The following GAPDHS variants were observed in gnomAD, a reference collection of about 807,000 sequenced individuals.
The protein encoded by GAPDHS is glyceraldehyde-3-phosphate dehydrogenase, spermatogenic.
GAPDHS carries 42 observed loss-of-function variants against 48.7 expected under a neutral mutation model. The ratio of observed to expected loss-of-function variants is 0.86; its 90% CI spans 0.67 to 1.12. GAPDHS has a LOEUF of 1.12. GAPDHS is among the 50% of genes most tolerant of loss of function. GAPDHS has a pLI of 0.00. For synonymous variants in GAPDHS, 166 were observed against 219.1 expected (o/e 0.76, Z 2.14); for missense variants, 512 against 557.7 (o/e 0.92, Z 0.82).
At chr19:35,537,072 A>G in intron 2 of GAPDHS, 82 bp downstream of exon 2, 1 of 1,165,890 alleles carries the variant, frequency 8.6e-7, no homozygotes, top group African/African-American at 1.5e-5. Flanking sequence ...GCACCTCCAC[A>G]TTTCCCCCCA....
chr19:35,534,193 GCACA>G (rs3216892), intron 1 of GAPDHS, among the ~76,000 whole-genome samples: 6 of 136,946 alleles, frequency 4.4e-5, no homozygotes, highest in African/African-American at 1.3e-4. Context: ...CCGCGCGCGC[GCACA>G]CACACACACA....
At chr19:35,533,936 C>T (rs2071448440) in intron 1 of GAPDHS, among the ~76,000 whole-genome samples, 1 of 152,176 alleles carries the variant, frequency 6.6e-6, no homozygotes, top group Non-Finnish European at 1.5e-5. Context: ...CCCAGGGGTG[C>T]TGGGCTTCCA....
Position 35,543,360 on chromosome 19 carries a change from G to A in GAPDHS, c.762G>A (p.Thr254=), listed in dbSNP as rs761625940. ...CCAAGACCACAGTCCATTCCTACACGGCCACCCAGAAGACAGTGGACGGGC... is the reference window on the plus strand; with the variant it reads ...CCAAGACCACAGTCCATTCCTACACAGCCACCCAGAAGACAGTGGACGGGC... ...EGLMTTVHSY[T]ATQKTVDGPS... The change falls in exon 8 of 11, where the codon ACG becomes ACA. Residue 254 remains threonine (T), a synonymous_variant. Transcript: ENST00000222286. 9.9e-6 allele frequency: 16 copies of A among 1,612,834 alleles called. No individual in the cohort carries two copies. The highest frequency in any genetic ancestry group is 3.4e-5 in the Admixed American group (2 of 59,534).
intron 8 of GAPDHS, 56 bp from the exon 9 acceptor site, chr19:35,543,609 A>C (rs2071521575): frequency 6.3e-7 from 1 of 1,593,632 alleles, no homozygotes; most frequent in African/African-American, 1.3e-5. Context: ...GGAAAGGGGG[A>C]ATGGAGGGCA....
At position 35,538,580 on chromosome 19, in the gene GAPDHS, T is replaced by C. The variant is rs769382622; in HGVS notation, c.346T>C (p.Tyr116His). 1 of 1,589,868 alleles carries C rather than the reference T, an allele frequency of 6.3e-7. No individual in the cohort carries two copies. The highest frequency in any genetic ancestry group is 1.1e-5 in the South Asian group (1 of 90,510). Residue 116 changes from tyrosine to histidine, a missense_variant, in exon 4 of 11, where the codon TAC becomes CAC. Physicochemically the swap from Tyr to His is moderately conservative, Grantham distance 83. Transcript: ENST00000222286. ...DPFIDPEYMV[Y>H]MFKYDSTHGR... Reference sequence around the variant, plus strand: ...GGAGCCATTCCATCCCCCACAGGTGTACATGTTTAAGTATGACTCCACCCA... The same window carrying C: ...GGAGCCATTCCATCCCCCACAGGTGCACATGTTTAAGTATGACTCCACCCA...
At chr19:35,543,853 G>A (rs1345116356) in intron 9 of GAPDHS, 26 bp downstream of exon 9, 2 of 1,573,106 alleles carry the variant, frequency 1.3e-6, no homozygotes, top group African/African-American at 1.4e-5. Flanking sequence ...AGGAGACCCT[G>A]GGAGGAGCCC....
In GAPDHS at chr19:35,544,921, G is replaced by C. The variant is rs1190536805; in HGVS notation, c.1069G>C (p.Asp357His). Residue 357 changes from aspartate (D) to histidine (H), a missense_variant, in exon 10 of 11, where the codon GAC (aspartate) becomes CAC (histidine). Asp to His is a moderately conservative substitution (Grantham distance 81). Transcript: ENST00000222286. ...AYTEDEVVSTDFLGDTHSSIF... is the reference protein window; with the variant it reads ...AYTEDEVVSTHFLGDTHSSIF... ...TTCTGACTTCCAGGTCGTCTCTACG[G>C]ACTTCCTCGGTGATACCCACTCGTC... The C allele has an allele frequency of 1.2e-6, 2 of 1,611,888 alleles. No homozygotes were observed. The highest frequency in any genetic ancestry group is 1.3e-5 in the African/African-American group (1 of 74,876).
chr19:35,544,670 T>C lies in GAPDHS; in HGVS notation c.1057-239T>C, dbSNP rs550169035. The C allele has an allele frequency of 6.5e-5, 37 of 565,524 alleles. No individual in the cohort carries two copies. In the Admixed American group the frequency reaches 6.7e-4, roughly 10 times the overall value. The allele number at this position is 565,524 out of a possible 1,614,324, so 35.0% of individuals were successfully genotyped here. A position where few individuals can be genotyped will look rare whatever the true frequency, so the allele number is the denominator to read the frequency against. ...GCTTGCATTATTCCTAGGAAAGGGA[T>C]GTACTGGTACAGCATGAGGGTGTTT... On this transcript the variant is annotated intron_variant, in intron 9 of 10. Transcript: ENST00000222286.
At chr19:35,543,529 A>G (rs750710919) in intron 8 of GAPDHS, 38 bp downstream of exon 8, 1 of 1,584,156 alleles carries the variant, frequency 6.3e-7, no homozygotes, top group Non-Finnish European at 8.6e-7. Context: ...GTGGGGGCAT[A>G]CGCCAGGAGG....
rs753874832 is a variant in GAPDHS, at chr19:35,544,959, T to TA, written c.1109dup (p.Ala371GlyfsTer7). 9.9e-6 allele frequency: 16 copies of TA among 1,614,004 alleles called. No homozygotes were observed. The highest frequency in any genetic ancestry group is 3.4e-6 in the Non-Finnish European group (4 of 1,179,824). On this transcript the variant is annotated frameshift_variant, in exon 10 of 11. Coordinates refer to ENST00000222286, the MANE Select transcript of GAPDHS (RefSeq NM_014364.5). LOFTEE classifies it high-confidence loss of function. ...ATACCCACTCGTCCATCTTCGATGC[T>TA]AAGGCCGGCATTGCGCTCAATGACA...
intron 1 of GAPDHS, among the ~76,000 whole-genome samples, chr19:35,534,194 C>T (rs1203533390): frequency 6.8e-6 from 1 of 147,098 alleles, no homozygotes; most frequent in Non-Finnish European, 1.5e-5. Flanking sequence ...CGCGCGCGCG[C>T]ACACACACAC....
chr19:35,534,348 G>A (rs915340960), intron 1 of GAPDHS, among the ~76,000 whole-genome samples: 1 of 152,212 alleles, frequency 6.6e-6, no homozygotes, highest in Non-Finnish European at 1.5e-5. Context: ...GACCCTGGAA[G>A]ACACAGGAGC....
chr19:35,535,555 T>C (rs2071460398), intron 1 of GAPDHS, among the ~76,000 whole-genome samples: 1 of 151,196 alleles, frequency 6.6e-6, no homozygotes, highest in African/African-American at 2.4e-5. Context: ...TGGCTAATTT[T>C]TTTGTATTTT....
rs773688350 is a variant in GAPDHS at position 35,538,387 on chromosome 19, T to C, written c.326T>C (p.Ile109Thr). 3.7e-6 allele frequency: 6 copies of C among 1,606,870 alleles called. No homozygotes were observed. Among genetic ancestry groups the C allele is most frequent in the African/African-American group, 1.3e-5 (1 of 74,864 alleles). ...GTGGTGGCTGTGAATGATCCATTCA[T>C]TGACCCGGAATACATGGTCAGTAGC... ...VKVVAVNDPF[I>T]DPEYMVYMFK... The change falls in exon 3 of 11, where the codon ATT becomes ACT. Residue 109 changes from isoleucine (I) to threonine (T), a missense_variant. Ile to Thr is a moderately conservative substitution (Grantham distance 89, BLOSUM62 -1). Coordinates refer to ENST00000222286, the MANE Select transcript of GAPDHS (RefSeq NM_014364.5).
At chr19:35,543,569 G>A in intron 8 of GAPDHS, 78 bp downstream of exon 8, 2 of 1,574,090 alleles carry the variant, frequency 1.3e-6, no homozygotes, top group African/African-American at 1.4e-5. Flanking sequence ...CAGTCCTTAA[G>A]AGGAAAGCAG....
Position 35,533,466 on chromosome 19 carries a change from C to T in GAPDHS, c.-62C>T. 1 of 1,457,952 alleles carries T rather than the reference C, an allele frequency of 6.9e-7. No homozygotes were observed. The highest frequency in any genetic ancestry group is 9.6e-7 in the Non-Finnish European group (1 of 1,038,932). The allele number at this position is 1,457,952 out of a possible 1,614,324, so 90.3% of individuals were successfully genotyped here. A position where few individuals can be genotyped will look rare whatever the true frequency, so the allele number is the denominator to read the frequency against. Reference sequence around the variant, plus strand: ...TAGCCCAGGACCCACAGCCCTGGCGCTCCGCACGCACCTCGGTAACATCAC... The same window carrying T: ...TAGCCCAGGACCCACAGCCCTGGCGTTCCGCACGCACCTCGGTAACATCAC... On this transcript the variant is annotated 5_prime_UTR_variant, in exon 1 of 11. Transcript: ENST00000222286.
chr19:35,544,735 T>G (rs1265910740), intron 9 of GAPDHS, 174 bp from the exon 10 acceptor site: 2 of 624,800 alleles, frequency 3.2e-6, no homozygotes, highest in Admixed American at 2.5e-5. Flanking sequence ...CACAGTGCCT[T>G]GGTCATACCC....
At position 35,538,305 on chromosome 19, in the gene GAPDHS, A is replaced by G. The variant is rs111871741; in HGVS notation, c.246-2A>G. ...CATCCCTTCCTGTCTGTCCCTGGCCAGATTTGGACGCATCGGTCGCCTGGT... is the reference window on the plus strand; with the variant it reads ...CATCCCTTCCTGTCTGTCCCTGGCCGGATTTGGACGCATCGGTCGCCTGGT... On this transcript the variant is annotated splice_acceptor_variant, in intron 2 of 10. Transcript: ENST00000222286. LOFTEE classifies it high-confidence loss of function. 4 of 1,610,480 alleles carry G rather than the reference A, an allele frequency of 2.5e-6. No individual in the cohort carries two copies. Among genetic ancestry groups the G allele is most frequent in the Non-Finnish European group, 3.4e-6 (4 of 1,177,212 alleles).
In GAPDHS at chr19:35,538,350, A is replaced by G. The variant is rs780067156; in HGVS notation, c.289A>G (p.Lys97Glu). The stretch of plus-strand genomic sequence containing the variant: ...CCTGGTCCTGCGCGCCTGCATGGAG[A>G]AGGGTGTTAAGGTGGTGGCTGTGAA... The part of the protein sequence containing the change: ...GRLVLRACME[K>E]GVKVVAVNDP... Residue 97 changes from lysine (K) to glutamate (E), a missense_variant, in exon 3 of 11, where the codon AAG (lysine) becomes GAG (glutamate). By Grantham distance (56) the Lys-to-Glu change is moderately conservative. Coordinates refer to ENST00000222286, the MANE Select transcript of GAPDHS (RefSeq NM_014364.5). 1.2e-6 allele frequency: 2 copies of G among 1,613,618 alleles called. No homozygotes were observed. The highest frequency in any genetic ancestry group is 4.5e-5 in the East Asian group (2 of 44,874).
Sources: gnomAD v4.1 joint callset for allele counts (sites outside exome capture counted in the v4.1 genomes callset) on GRCh38, gnomAD v4.1.1 for gene constraint, MANE v1.5 for transcripts, NCBI Gene and HGNC (gene_info 2026-07-23, HGNC 2026-07-21) for gene names.